Variants in SCYL1 observed in about 807,000 individuals in gnomAD.
SCYL1 encodes SCY1 like pseudokinase 1.
A neutral mutation model predicts 94.8 loss-of-function variants in SCYL1; 85 were observed. The ratio of observed to expected loss-of-function variants is 0.90; its 90% CI spans 0.75 to 1.07. The LOEUF (loss-of-function observed/expected upper bound fraction) is 1.07. Among genes scored for constraint, SCYL1 ranks in the 50% least tolerant of loss-of-function variants. The probability of loss-of-function intolerance (pLI) is 0.00; values close to 1 mark genes in which losing one functional copy is unlikely to be tolerated. For synonymous variants in SCYL1, 459 were observed against 435.5 expected, an observed-to-expected ratio of 1.05 and a Z score of -0.67; for missense variants, 968 against 1,083.3, an observed-to-expected ratio of 0.89 and a Z score of 1.49.
At position 65,535,786 on chromosome 11, in the gene SCYL1, G is replaced by A. The variant is rs569932481; in HGVS notation, c.1387-167G>A. 31 of 689,372 alleles carry A rather than the reference G, an allele frequency of 4.5e-5. No individual in the cohort carries two copies. In the Middle Eastern group the frequency reaches 1.2e-3, roughly 27 times the overall value. The allele number at this position is 689,372 out of a possible 1,614,324, so 42.7% of individuals were successfully genotyped here. On this transcript the variant is annotated intron_variant, in intron 10 of 17. Transcript: ENST00000270176. ...GGAACCCAGTGATTTGGGAAGAGAA[G>A]CCCAGGTCCAGAGTTTTAGGTCAAC...
chr11:65,526,200 G>A lies in SCYL1; in HGVS notation c.452G>A (p.Arg151Gln), dbSNP rs753631575. The A allele has an allele frequency of 2.5e-6, 4 of 1,613,474 alleles. No homozygotes were observed. The highest frequency in any genetic ancestry group is 1.7e-5 in the Admixed American group (1 of 60,026). ...TGCATGGCCGCCGTGTTCGTGGACC[G>A]AGCTGGCGAGTGGAAGCTTGGGGGC... ...NVCMAAVFVD[R>Q]AGEWKLGGLD... The change falls in exon 4 of 18, where the codon CGA becomes CAA. Residue 151 changes from arginine (R) to glutamine (Q), a missense_variant. Arg to Gln is a conservative substitution (Grantham distance 43, BLOSUM62 1). Coordinates refer to ENST00000270176, the MANE Select transcript of SCYL1 (RefSeq NM_020680.4). The surrounding 1 kb of genome is among the most constrained non-coding windows in gnomAD (Gnocchi z 4.1).
chr11:65,530,758 G>A lies in SCYL1; in HGVS notation c.979G>A (p.Gly327Arg), dbSNP rs752909696. The A allele has an allele frequency of 6.2e-7, 1 of 1,613,386 alleles. No individual in the cohort carries two copies. The highest frequency in any genetic ancestry group is 1.3e-5 in the African/African-American group (1 of 74,910). ...LLTAFEFGNA[G>R]AVVLTPLFKV... Reference sequence around the variant, plus strand: ...GACCGCCTTCGAGTTCGGCAATGCTGGGGCCGTTGTCCTCACGCCCCTCTT... The same window carrying A: ...GACCGCCTTCGAGTTCGGCAATGCTAGGGCCGTTGTCCTCACGCCCCTCTT... The change falls in exon 7 of 18, where the codon GGG (glycine) becomes AGG (arginine). Residue 327 changes from glycine (G) to arginine (R), a missense_variant. This residue lies in a region of SCYL1 where 494 missense variants were observed against 619.7 expected (regional missense o/e 0.80). Transcript: ENST00000270176.
Position 65,535,996 on chromosome 11 carries a change from G to A in SCYL1, c.1430G>A (p.Arg477Lys), listed in dbSNP as rs772002757. ...ACCTCTGCCTTCAGCCGAGCCACTA[G>A]GGACCCGTTTGCACCGTCCCGGGTT... is the stretch of plus-strand genomic sequence containing the variant. ...VLTSAFSRAT[R>K]DPFAPSRVAG... Residue 477 changes from arginine (R) to lysine (K), a missense_variant, in exon 11 of 18, where the codon AGG becomes AAG. Around this residue, in one of 2 missense-constraint regions of SCYL1, gnomAD observed 474 missense variants for 463.6 expected, o/e 1.02. Coordinates refer to ENST00000270176, the MANE Select transcript of SCYL1 (RefSeq NM_020680.4). 1.1e-5 allele frequency: 17 copies of A among 1,612,142 alleles called. No homozygotes were observed. The South Asian group carries it at 1.4e-4, about 14-fold the overall frequency.
intron 9 of SCYL1, 75 bp from the exon 10 acceptor site, chr11:65,535,152 C>A: frequency 6.4e-7 from 1 of 1,568,122 alleles, no homozygotes; most frequent in Non-Finnish European, 8.7e-7. Context: ...GGGATGAGGG[C>A]TGCCAGGAGG....
At position 65,538,134 on chromosome 11, in the gene SCYL1, C is replaced by G. The variant is rs576776296; in HGVS notation, c.2199C>G (p.Ser733Arg). 6.2e-7 allele frequency: 1 copy of G among 1,600,598 alleles called. No individual in the cohort carries two copies. Among genetic ancestry groups the G allele is most frequent in the African/African-American group, 1.3e-5 (1 of 74,694 alleles). ...ATAACTGGGGTGGCCCAGAGTCCAG[C>G]GACAAGGGCGACCCCTTCGCTACCC... is the stretch of plus-strand genomic sequence containing the variant. ...SEYNWGGPESSDKGDPFATLS... is the reference protein window; with the variant it reads ...SEYNWGGPESRDKGDPFATLS... Residue 733 changes from serine to arginine, a missense_variant, in exon 16 of 18, where the codon AGC (serine) becomes AGG (arginine). Physicochemically the swap from Ser to Arg is moderately radical, Grantham distance 110 (BLOSUM62 -1). This residue lies in a region of SCYL1 where 474 missense variants were observed against 463.6 expected (regional missense o/e 1.02). Coordinates refer to ENST00000270176, the MANE Select transcript of SCYL1 (RefSeq NM_020680.4).
rs1362414749 is a variant in SCYL1 at position 65,526,823 on chromosome 11, G to T, written c.643G>T (p.Val215Phe). The T allele has an allele frequency of 6.2e-7, 1 of 1,613,200 alleles. No individual in the cohort carries two copies. Among genetic ancestry groups the T allele is most frequent in the Admixed American group, 1.7e-5 (1 of 60,008 alleles). The change falls in exon 5 of 18, where the codon GTC (valine) becomes TTC (phenylalanine). Residue 215 changes from valine to phenylalanine, a missense_variant. Physicochemically the swap from Val to Phe is conservative, Grantham distance 50. Transcript: ENST00000270176. This position sits in a 1 kb window ranked among gnomAD's most constrained non-coding sequence, Gnocchi z 4.1. ...MWRLGCLIWE[V>F]FNGPLPRAAA... ...GCGCTTGGGCTGCCTCATTTGGGAA[G>T]TCTTCAATGGGCCCCTACCTCGGGC...
chr11:65,532,360 G>T (rs1590733342), intron 8 of SCYL1, among the ~76,000 whole-genome samples: 1 of 151,540 alleles, frequency 6.6e-6, no homozygotes, highest in Non-Finnish European at 1.5e-5. Flanking sequence ...GGGAGGCAGA[G>T]GTTTCAGTGA....
rs993369239 is a variant in SCYL1, at chr11:65,535,998, G to T, written c.1432G>T (p.Asp478Tyr). The T allele has an allele frequency of 2.5e-6, 4 of 1,612,384 alleles. No homozygotes were observed. The highest frequency in any genetic ancestry group is 3.4e-6 in the Non-Finnish European group (4 of 1,179,224). Reference sequence around the variant, plus strand: ...CTCTGCCTTCAGCCGAGCCACTAGGGACCCGTTTGCACCGTCCCGGGTTGC... The same window carrying T: ...CTCTGCCTTCAGCCGAGCCACTAGGTACCCGTTTGCACCGTCCCGGGTTGC... Reference protein sequence around the residue: ...LTSAFSRATRDPFAPSRVAGV... With the variant: ...LTSAFSRATRYPFAPSRVAGV... The change falls in exon 11 of 18, where the codon GAC becomes TAC. Residue 478 changes from aspartate to tyrosine, a missense_variant. Coordinates refer to ENST00000270176, the MANE Select transcript of SCYL1 (RefSeq NM_020680.4).
chr11:65,531,607 A>T lies in SCYL1; in HGVS notation c.1040A>T (p.Gln347Leu). 2 of 1,614,078 alleles carry T rather than the reference A, an allele frequency of 1.2e-6. No homozygotes were observed. The highest frequency in any genetic ancestry group is 1.7e-6 in the Non-Finnish European group (2 of 1,179,976). The change falls in exon 8 of 18, where the codon CAG (glutamine) becomes CTG (leucine). Residue 347 changes from glutamine to leucine, a missense_variant. Around this residue, in one of 2 missense-constraint regions of SCYL1, gnomAD observed 494 missense variants for 619.7 expected, o/e 0.80. Coordinates refer to ENST00000270176, the MANE Select transcript of SCYL1 (RefSeq NM_020680.4). ...AAGTTCCTGAGCGCTGAGGAGTATC[A>T]GCAGAAGATCATCCCTGTGGTGGTC... ...VGKFLSAEEY[Q>L]QKIIPVVVKM... is the part of the protein sequence containing the mutation.
chr11:65,528,557 G>A (rs552523001), intron 6 of SCYL1, among the ~76,000 whole-genome samples: 2 of 152,196 alleles, frequency 1.3e-5, no homozygotes, highest in East Asian at 3.9e-4. Flanking sequence ...TCAGGAGTTT[G>A]AGACCAGCCT....
chr11:65,525,890 G>A (rs372851054), intron 2 of SCYL1, 31 bp from the exon 3 acceptor site: 61 of 1,605,128 alleles, frequency 3.8e-5, no homozygotes, highest in African/African-American at 1.2e-4. Context: ...CTGCCCCTCC[G>A]CCCTTGATAA....
rs751251610 is a variant in SCYL1, at chr11:65,538,163, C to G, written c.2228C>G (p.Ser743Cys). 3.2e-5 allele frequency: 51 copies of G among 1,591,660 alleles called. No homozygotes were observed. Among genetic ancestry groups the G allele is most frequent in the South Asian group, 5.7e-5 (5 of 87,788 alleles). Residue 743 changes from serine to cysteine, a missense_variant, in exon 16 of 18, where the codon TCT (serine) becomes TGT (cysteine). Transcript: ENST00000270176. The part of the protein sequence containing the change: ...SDKGDPFATL[S>C]ARPSTQPRPD... ...AAGGGCGACCCCTTCGCTACCCTGTCTGCACGTCCCAGCACCCAGGTACCC... is the reference window on the plus strand; with the variant it reads ...AAGGGCGACCCCTTCGCTACCCTGTGTGCACGTCCCAGCACCCAGGTACCC...
Position 65,536,761 on chromosome 11 carries a change from T to C in SCYL1, c.1816+11T>C, listed in dbSNP as rs1855667675. ...GACCCACGCCTGAAGGTGAGTGTCC[T>C]GGCCTAGCTGCATCAGTGGCTGAGA... On this transcript the variant is annotated intron_variant, in intron 13 of 17. Transcript: ENST00000270176. The C allele has an allele frequency of 1.9e-6, 3 of 1,587,052 alleles. No homozygotes were observed. Among genetic ancestry groups the C allele is most frequent in the Non-Finnish European group, 2.6e-6 (3 of 1,162,368 alleles).
Position 65,525,195 on chromosome 11 carries a change from C to G in SCYL1, c.42C>G (p.Phe14Leu). The G allele has an allele frequency of 6.9e-7, 1 of 1,454,170 alleles. No homozygotes were observed. Among genetic ancestry groups the G allele is most frequent in the Admixed American group, 2.7e-5 (1 of 36,690 alleles). 90.1% of individuals were successfully genotyped at this position (1,454,170 alleles called of 1,614,324 possible). Residue 14 changes from phenylalanine (F) to leucine (L), a missense_variant, in exon 1 of 18, where the codon TTC becomes TTG. Transcript: ENST00000270176. ...GGGACCCGGTCCGGGACTTTCCGTTCGAGCTCATCCCGGAGCCCCCAGAGG... is the reference window on the plus strand; with the variant it reads ...GGGACCCGGTCCGGGACTTTCCGTTGGAGCTCATCCCGGAGCCCCCAGAGG... ...FARDPVRDFPFELIPEPPEGG... is the reference protein window; with the variant it reads ...FARDPVRDFPLELIPEPPEGG...
chr11:65,538,463 C>G lies in SCYL1; in HGVS notation c.2324C>G (p.Ala775Gly), dbSNP rs1216367450. The G allele has an allele frequency of 1.3e-6, 2 of 1,571,210 alleles. No homozygotes were observed. Among genetic ancestry groups the G allele is most frequent in the South Asian group, 2.3e-5 (2 of 85,974 alleles). The change falls in exon 18 of 18, where the codon GCC becomes GGC. Residue 775 changes from alanine to glycine, a missense_variant. Physicochemically the swap from Ala to Gly is moderately conservative, Grantham distance 60. This residue lies in a region of SCYL1 where 474 missense variants were observed against 463.6 expected (regional missense o/e 1.02). Coordinates refer to ENST00000270176, the MANE Select transcript of SCYL1 (RefSeq NM_020680.4). ...TDSRQVKAEL[A>G]RKKREERRRE... ...CCAGGACAGGTCAAGGCTGAGCTGG[C>G]CCGGAAGAAGCGCGAGGAGCGGCGG...
intron 12 of SCYL1, 116 bp downstream of exon 12, chr11:65,536,450 C>A: frequency 1.4e-6 from 2 of 1,409,254 alleles, no homozygotes; most frequent in South Asian, 2.4e-5. Context: ...CTTGACTCAG[C>A]TCCCCCTTCA....
chr11:65,532,185 AG>A lies in SCYL1; in HGVS notation c.1117-504del, dbSNP rs1365165453. Reference sequence around the variant, plus strand: ...ATGCCTGTAATCCCAGCACTTTGGGAGGGCCGAGGCAGGCAGATCACCTGAG... The same window carrying A: ...ATGCCTGTAATCCCAGCACTTTGGGAGGCCGAGGCAGGCAGATCACCTGAG... On this transcript the variant is annotated intron_variant, in intron 8 of 17. Transcript: ENST00000270176. 2.0e-5 allele frequency among the ~76,000 whole-genome samples: 3 copies of A among 152,152 alleles called. No homozygotes were observed. The East Asian group carries it at 5.8e-4, about 29-fold the overall frequency.
At chr11:65,537,501 G>A (rs1012518390) in intron 14 of SCYL1, among the ~76,000 whole-genome samples, 1 of 152,132 alleles carries the variant, frequency 6.6e-6, no homozygotes, top group Non-Finnish European at 1.5e-5. Flanking sequence ...GTTGGGCTGA[G>A]GGAGGACTGG....
At chr11:65,529,557 TC>T (rs1461945813) in intron 6 of SCYL1, among the ~76,000 whole-genome samples, 1 of 152,202 alleles carries the variant, frequency 6.6e-6, no homozygotes, top group Non-Finnish European at 1.5e-5. Flanking sequence ...CAAGCCGGCC[TC>T]CCACGCTGGT....
Sources: allele counts gnomAD v4.1 joint callset (sites outside exome capture counted in the v4.1 genomes callset), GRCh38; gene constraint gnomAD v4.1.1; regional missense constraint gnomAD v4.1.1; non-coding constraint Gnocchi (gnomAD v3.1); transcripts MANE v1.5; gene names NCBI Gene and HGNC (gene_info 2026-07-23, HGNC 2026-07-21).